The following FOXJ3 variants were observed in gnomAD, a reference collection of about 807,000 sequenced individuals.
FOXJ3 encodes forkhead box protein J3.
FOXJ3 carries 22 observed loss-of-function variants against 76.1 expected under a neutral mutation model. That is an observed-to-expected ratio of 0.29 (90% confidence interval 0.21 to 0.41). The LOEUF is 0.41. FOXJ3 is among the 10% of genes least tolerant of loss of function. The pLI is 1.00. For missense variants in FOXJ3, 613 were observed against 762.1 expected, an observed-to-expected ratio of 0.80 and a Z score of 2.30; for synonymous variants, 269 against 261.2, an observed-to-expected ratio of 1.03 and a Z score of -0.29.
chr1:42,295,578 G>A (rs1340189187), intron 2 of FOXJ3, among the ~76,000 whole-genome samples: 1 of 143,722 alleles, frequency 7.0e-6, no homozygotes, highest in Non-Finnish European at 1.5e-5. Flanking sequence ...CCCCAGGCTG[G>A]AATGCAGTGG....
intron 1 of FOXJ3, among the ~76,000 whole-genome samples, chr1:42,325,599 A>C (rs1179995016): frequency 6.6e-6 from 1 of 152,214 alleles, no homozygotes; most frequent in Non-Finnish European, 1.5e-5. Flanking sequence ...TGGATGAAAA[A>C]CACTACCTTA....
intron 3 of FOXJ3, among the ~76,000 whole-genome samples, chr1:42,267,743 G>A (rs1291999593): frequency 6.6e-6 from 1 of 152,098 alleles, no homozygotes; most frequent in Non-Finnish European, 1.5e-5. Flanking sequence ...TGCATAAAGA[G>A]ATGGAGAATT....
intron 4 of FOXJ3, among the ~76,000 whole-genome samples, chr1:42,259,409 T>A (rs908580271): frequency 5.3e-5 from 8 of 152,208 alleles, no homozygotes; most frequent in Non-Finnish European, 8.8e-5. Flanking sequence ...GTTATTTTTT[T>A]AAAGTAGTTT....
chr1:42,222,589 AT>A (rs923585819), intron 5 of FOXJ3, among the ~76,000 whole-genome samples: 2 of 152,156 alleles, frequency 1.3e-5, no homozygotes, highest in African/African-American at 4.8e-5. Context: ...ATAAGCATGA[AT>A]TTTTATAATG....
At chr1:42,267,574 T>C (rs1570107517) in intron 3 of FOXJ3, among the ~76,000 whole-genome samples, 1 of 151,328 alleles carries the variant, frequency 6.6e-6, no homozygotes, top group Admixed American at 6.6e-5. Context: ...GCAACAATTA[T>C]AAGACATAGA....
At chr1:42,201,269 C>T (rs1277500063) in intron 6 of FOXJ3, among the ~76,000 whole-genome samples, 1 of 152,194 alleles carries the variant, frequency 6.6e-6, no homozygotes, top group African/African-American at 2.4e-5. Context: ...GGACCTCCAA[C>T]ACGATGTCAA....
intron 4 of FOXJ3, among the ~76,000 whole-genome samples, chr1:42,238,942 G>A (rs1196051665): frequency 6.6e-6 from 1 of 152,090 alleles, no homozygotes; most frequent in East Asian, 1.9e-4. Flanking sequence ...TACTATACAT[G>A]TCTCCATTCA....
At position 42,278,663 on chromosome 1, in the gene FOXJ3, A is replaced by T. The variant is rs749085514; in HGVS notation, c.54T>A (p.Ser18=). The T allele has an allele frequency of 1.2e-6, 2 of 1,611,110 alleles. No homozygotes were observed. Among genetic ancestry groups the T allele is most frequent in the Non-Finnish European group, 1.7e-6 (2 of 1,177,812 alleles). ...TAGACGTTAGGCTGCTCTCCAGTTC[A>T]GATGTCATCCTGAAGGTAAATAGAC... is the stretch of plus-strand genomic sequence containing the variant. ...CPSVTSLRMT[S]ELESSLTSMD... Residue 18 remains serine (S), a synonymous_variant, in exon 3 of 13, where the codon TCT becomes TCA. Transcript: ENST00000361346.
chr1:42,238,278 G>A (rs1408105859), intron 4 of FOXJ3, among the ~76,000 whole-genome samples: 4 of 151,940 alleles, frequency 2.6e-5, no homozygotes, highest in Non-Finnish European at 4.4e-5. Flanking sequence ...CAAGTGATCC[G>A]CCCACCTCAG....
chr1:42,332,259 C>G lies in FOXJ3; in HGVS notation c.-18+2800G>C, dbSNP rs1016300802. Among the ~76,000 whole-genome samples, 3 of 152,198 alleles carry G rather than the reference C, an allele frequency of 2.0e-5. No individual in the cohort carries two copies. In the South Asian group the frequency reaches 6.2e-4, roughly 31 times the overall value. ...CTACTACCCTCCCAACACACATCTA[C>G]TGATGTGTTTTACTAGCATCTATAT... On this transcript the variant is annotated intron_variant, in intron 1 of 12. Coordinates refer to ENST00000361346, the MANE Select transcript of FOXJ3 (RefSeq NM_014947.5).
intron 6 of FOXJ3, among the ~76,000 whole-genome samples, chr1:42,201,790 A>G (rs1646769234): frequency 6.6e-6 from 1 of 152,174 alleles, no homozygotes; most frequent in Admixed American, 6.5e-5. Flanking sequence ...TTTATATACA[A>G]TCAATATTAT....
At chr1:42,250,611 G>A (rs915295594) in intron 4 of FOXJ3, among the ~76,000 whole-genome samples, 1 of 152,082 alleles carries the variant, frequency 6.6e-6, no homozygotes, top group Non-Finnish European at 1.5e-5. Flanking sequence ...GAGGTCGGCA[G>A]TTTGAGACCA....
At chr1:42,192,527 T>A (rs1270547327) in intron 8 of FOXJ3, among the ~76,000 whole-genome samples, 2 of 152,230 alleles carry the variant, frequency 1.3e-5, no homozygotes, top group African/African-American at 4.8e-5. Flanking sequence ...AGAGGAACTT[T>A]TTACTTTCTA....
At chr1:42,236,900 A>G (rs1318390620) in intron 4 of FOXJ3, among the ~76,000 whole-genome samples, 2 of 152,166 alleles carry the variant, frequency 1.3e-5, no homozygotes, top group African/African-American at 4.8e-5. Context: ...TTCTCTAACA[A>G]AGATGCTGTA....
At chr1:42,334,071 G>A in intron 1 of FOXJ3, 1 of 715,668 alleles carries the variant, frequency 1.4e-6, no homozygotes, top group Non-Finnish European at 1.7e-6. Flanking sequence ...GCACCAACAC[G>A]GAATAGTAAA....
At chr1:42,197,246 T>C (rs1051475768) in intron 7 of FOXJ3, among the ~76,000 whole-genome samples, 3 of 152,090 alleles carry the variant, frequency 2.0e-5, no homozygotes, top group Non-Finnish European at 4.4e-5. Context: ...CTCATGCCTG[T>C]AATCCTAGCA....
At chr1:42,299,193 T>C (rs891348700) in intron 2 of FOXJ3, among the ~76,000 whole-genome samples, 1 of 152,240 alleles carries the variant, frequency 6.6e-6, no homozygotes, top group Admixed American at 6.5e-5. Flanking sequence ...GTGATCTGAA[T>C]AGTGATGTCA....
chr1:42,306,094 C>CT (rs1327390891), intron 2 of FOXJ3, among the ~76,000 whole-genome samples: 4 of 152,236 alleles, frequency 2.6e-5, no homozygotes, highest in South Asian at 2.1e-4. Flanking sequence ...ATTCACTTGT[C>CT]TACATAAAGC....
intron 2 of FOXJ3, among the ~76,000 whole-genome samples, chr1:42,303,323 G>A (rs1310488886): frequency 6.6e-6 from 1 of 152,120 alleles, no homozygotes; most frequent in Admixed American, 6.5e-5. Context: ...AATTGTTGGG[G>A]GAACTTAATA....
Sources: allele counts gnomAD v4.1 joint callset (sites outside exome capture counted in the v4.1 genomes callset), GRCh38; gene constraint gnomAD v4.1.1; transcripts MANE v1.5; gene names NCBI Gene and HGNC (gene_info 2026-07-23, HGNC 2026-07-21).